ARMH4: variants seen among roughly 807,000 people sequenced by gnomAD.
ARMH4 encodes armadillo-like helical domain-containing protein 4.
Under a neutral mutation model 61.9 loss-of-function variants are expected in ARMH4, and 49 were observed. That is an observed-to-expected ratio of 0.79 (90% CI 0.63 to 1.00). The LOEUF (loss-of-function observed/expected upper bound fraction) is 1.00. ARMH4 is among the 50% of genes least tolerant of loss of function. The pLI is 0.00. For synonymous variants in ARMH4, 368 were observed against 341.5 expected, an observed-to-expected ratio of 1.08 and a Z score of -0.85; for missense variants, 934 against 930.0, an observed-to-expected ratio of 1.00 and a Z score of -0.06.
intron 4 of ARMH4, among the ~76,000 whole-genome samples, chr14:58,102,394 G>A (rs1278409742): frequency 6.6e-6 from 1 of 152,162 alleles, no homozygotes; most frequent in Non-Finnish European, 1.5e-5. Flanking sequence ...TGGGCCCCTA[G>A]AACCTGCAAA....
intron 5 of ARMH4, among the ~76,000 whole-genome samples, chr14:58,035,117 C>T (rs1157480323): frequency 2.0e-5 from 3 of 148,358 alleles, no homozygotes; most frequent in African/African-American, 7.5e-5. Context: ...TTCAGCACCA[C>T]ACCTATTCCA....
chr14:58,124,261 C>T (rs1886826334), intron 4 of ARMH4, among the ~76,000 whole-genome samples: 1 of 152,318 alleles, frequency 6.6e-6, no homozygotes, highest in East Asian at 1.9e-4. Context: ...CAGTGTTAAG[C>T]TTGCCAACAG....
chr14:58,142,745 T>C (rs988924484), intron 1 of ARMH4, among the ~76,000 whole-genome samples: 2 of 152,122 alleles, frequency 1.3e-5, no homozygotes, highest in Admixed American at 1.3e-4. Context: ...GTGCTGAAAT[T>C]ACAAGCGTGA....
intron 5 of ARMH4, among the ~76,000 whole-genome samples, chr14:58,081,710 G>A (rs1475087898): frequency 6.6e-6 from 1 of 151,836 alleles, no homozygotes; most frequent in African/African-American, 2.4e-5. Context: ...CACCGTGTTA[G>A]TTAGCCAGGA....
chr14:58,025,363 A>G lies in ARMH4; in HGVS notation c.2090-13213T>C, dbSNP rs139577892. Among the ~76,000 whole-genome samples the G allele has an allele frequency of 1.6e-3, 242 of 152,278 alleles. 3 individuals carry two copies. The highest frequency in any genetic ancestry group is 5.5e-3 in the African/African-American group (228 of 41,566). On this transcript the variant is annotated intron_variant, in intron 5 of 7. Transcript: ENST00000267485. ...TTTTAGCTAGATTCCTTAGGTTCCC[A>G]TTGAATTTTGAGTTATAAATATAGT...
chr14:58,120,693 C>A (rs1430473646), intron 4 of ARMH4, among the ~76,000 whole-genome samples: 3 of 152,122 alleles, frequency 2.0e-5, no homozygotes, highest in Admixed American at 1.3e-4. Flanking sequence ...GACAAAAGTT[C>A]TTTTGAAGTC....
chr14:58,117,960 C>T (rs1379189121), intron 4 of ARMH4, among the ~76,000 whole-genome samples: 1 of 151,850 alleles, frequency 6.6e-6, no homozygotes, highest in Non-Finnish European at 1.5e-5. Flanking sequence ...GGTGGAGTCT[C>T]ACTATGTTTC....
At position 58,020,280 on chromosome 14, in the gene ARMH4, G is replaced by A. The variant is rs562047250; in HGVS notation, c.2090-8130C>T. On this transcript the variant is annotated intron_variant, in intron 5 of 7. Transcript: ENST00000267485. ...CCAAGGAGACCTTATCACAGCTCAC[G>A]GGGCTTTCCTGAGTTCTGGATATGG... Among the ~76,000 whole-genome samples, 31 of 152,182 alleles carry A rather than the reference G, an allele frequency of 2.0e-4. 1 individual carries two copies. The highest frequency in any genetic ancestry group is 6.7e-4 in the African/African-American group (28 of 41,548).
chr14:58,135,368 A>T (rs1265960004), intron 2 of ARMH4, among the ~76,000 whole-genome samples: 2 of 152,228 alleles, frequency 1.3e-5, no homozygotes, highest in African/African-American at 2.4e-5. Context: ...AGAAGACAAT[A>T]ACATATAGTT....
chr14:58,098,377 C>G (rs974787758), intron 4 of ARMH4, among the ~76,000 whole-genome samples: 2 of 152,146 alleles, frequency 1.3e-5, no homozygotes, highest in African/African-American at 2.4e-5. Context: ...GGGATAAAAG[C>G]AATAACGTCT....
intron 5 of ARMH4, among the ~76,000 whole-genome samples, chr14:58,022,150 T>C (rs1213054611): frequency 6.6e-6 from 1 of 152,176 alleles, no homozygotes; most frequent in Non-Finnish European, 1.5e-5. Flanking sequence ...TTTTCCAGCT[T>C]CTAGAATCCA....
chr14:58,054,883 A>AAAAAAAT (rs374230526), intron 5 of ARMH4, among the ~76,000 whole-genome samples: 2 of 138,446 alleles, frequency 1.4e-5, no homozygotes, highest in Admixed American at 7.1e-5. Flanking sequence ...AAAAAAAAAA[A>AAAAAAAT]AATAATAATA....
chr14:58,013,024 A>G (rs1286192926), intron 5 of ARMH4, among the ~76,000 whole-genome samples: 2 of 152,236 alleles, frequency 1.3e-5, no homozygotes, highest in Admixed American at 6.5e-5. Flanking sequence ...AGGAGGAAAA[A>G]AAGACAAATA....
chr14:58,074,645 C>T (rs1178982296), intron 5 of ARMH4, among the ~76,000 whole-genome samples: 1 of 152,012 alleles, frequency 6.6e-6, no homozygotes, highest in Non-Finnish European at 1.5e-5. Flanking sequence ...GGAAAAGATA[C>T]ACAGTAGCAC....
At chr14:58,076,448 G>A (rs1885052562) in intron 5 of ARMH4, among the ~76,000 whole-genome samples, 1 of 152,110 alleles carries the variant, frequency 6.6e-6, no homozygotes, top group Non-Finnish European at 1.5e-5. Context: ...ATTTCAACCT[G>A]GAACTCTAAT....
At chr14:58,091,859 T>C (rs916575806) in intron 5 of ARMH4, among the ~76,000 whole-genome samples, 4 of 152,194 alleles carry the variant, frequency 2.6e-5, no homozygotes, top group Non-Finnish European at 4.4e-5. Flanking sequence ...CATGGAACTT[T>C]CACTCCTGAT....
intron 4 of ARMH4, among the ~76,000 whole-genome samples, chr14:58,098,918 A>G (rs1199583683): frequency 6.6e-6 from 1 of 152,206 alleles, no homozygotes; most frequent in Non-Finnish European, 1.5e-5. Flanking sequence ...GAAGGCTGAC[A>G]AGGAGTCCAC....
chr14:58,138,704 T>G lies in ARMH4; in HGVS notation c.655A>C (p.Asn219His). Residue 219 changes from asparagine to histidine, a missense_variant, in exon 2 of 8, where the codon AAT becomes CAT. By Grantham distance (68) the Asn-to-His change is moderately conservative. Coordinates refer to ENST00000267485, the MANE Select transcript of ARMH4 (RefSeq NM_001001872.4). ...GCTTCAAATTTCTCAGTCTTTGGAT[T>G]GGTGGTTAGCATTTCCTTAGTATTC... Reference protein sequence around the residue: ...YVNTKEMLTTNPKTEKFEADT... With the variant: ...YVNTKEMLTTHPKTEKFEADT... 6.2e-7 allele frequency: 1 copy of G among 1,614,164 alleles called. No homozygotes were observed. Among genetic ancestry groups the G allele is most frequent in the Non-Finnish European group, 8.5e-7 (1 of 1,180,036 alleles).
At chr14:58,115,509 T>C (rs1190040757) in intron 4 of ARMH4, among the ~76,000 whole-genome samples, 2 of 152,170 alleles carry the variant, frequency 1.3e-5, no homozygotes, top group Non-Finnish European at 1.5e-5. Flanking sequence ...TGGAAAGCAG[T>C]TTGGAGATTT....
Sources: allele counts gnomAD v4.1 joint callset (sites outside exome capture counted in the v4.1 genomes callset), GRCh38; gene constraint gnomAD v4.1.1; transcripts MANE v1.5; gene names NCBI Gene and HGNC (gene_info 2026-07-23, HGNC 2026-07-21).